Variants in HHIPL1 observed in about 807,000 individuals in gnomAD.
HHIPL1 encodes the protein HHIP like 1.
A neutral mutation model predicts 61.8 loss-of-function variants in HHIPL1; 43 were observed. That is an observed-to-expected ratio of 0.70 (90% CI 0.55 to 0.90). The LOEUF (loss-of-function observed/expected upper bound fraction) is 0.90. HHIPL1 is among the 40% of genes least tolerant of loss of function. HHIPL1 has a pLI of 0.00. For missense variants in HHIPL1, 1,056 were observed against 1,157.7 expected (o/e 0.91, Z 1.28); for synonymous variants, 482 against 515.8 (o/e 0.93, Z 0.89).
At chr14:99,674,560 G>A (rs2056364289) in intron 8 of HHIPL1, among the ~76,000 whole-genome samples, 1 of 152,126 alleles carries the variant, frequency 6.6e-6, no homozygotes. Context: ...ATCCCTGTGT[G>A]TATCCCGTTC....
the HHIPL1 span, among the ~76,000 whole-genome samples, chr14:99,607,021 CTTT>C: frequency 7.3e-5 from 5 of 68,420 alleles, no homozygotes; most frequent in Admixed American, 2.5e-4. Context: ...GTGACTTTGC[CTTT>C]TTTTTTTTTT....
rs761151361 is a variant in HHIPL1 at position 99,652,847 on chromosome 14, C to T, written c.879C>T (p.Asn293=). ...SEFRVSEDDE[N]AVDHSSERII... ...TCAGAGTCTCCGAGGATGACGAGAA[C>T]GCCGTGGACCACAGCTCTGAGAGGT... The change falls in exon 2 of 9, where the codon AAC becomes AAT. Residue 293 remains asparagine, a synonymous_variant. Coordinates refer to ENST00000330710, the MANE Select transcript of HHIPL1 (RefSeq NM_001127258.3). The T allele has an allele frequency of 4.3e-5, 69 of 1,613,658 alleles. 1 individual carries two copies. The highest frequency in any genetic ancestry group is 4.2e-4 in the South Asian group (38 of 91,070).
At chr14:99,631,025 T>C in the HHIPL1 span, among the ~76,000 whole-genome samples, 3 of 152,024 alleles carry the variant, frequency 2.0e-5, no homozygotes, top group African/African-American at 7.2e-5. Context: ...TCAGCTTCAC[T>C]AATTCCATCT....
At chr14:99,657,180 C>T (rs562123717) in intron 3 of HHIPL1, 37 bp downstream of exon 3, 13 of 1,606,724 alleles carry the variant, frequency 8.1e-6, no homozygotes, top group Middle Eastern at 3.7e-4. Flanking sequence ...GGGTTGGTCT[C>T]CATATCCCTG....
the HHIPL1 span, among the ~76,000 whole-genome samples, chr14:99,613,328 TTAATTAA>T: frequency 6.6e-6 from 1 of 151,972 alleles, no homozygotes; most frequent in East Asian, 2.0e-4. Context: ...GTGGTTTTTT[TTAATTAA>T]TTTTTTTTTA....
chr14:99,669,258 A>C (rs774911382), intron 7 of HHIPL1: 2 of 1,076,702 alleles, frequency 1.9e-6, no homozygotes, highest in Non-Finnish European at 2.3e-6. Context: ...TGATGAATAA[A>C]TGAGTGATCA....
At position 99,659,540 on chromosome 14, in the gene HHIPL1, G is replaced by A. The variant is rs1004735500; in HGVS notation, c.1159G>A (p.Glu387Lys). 1.1e-5 allele frequency: 17 copies of A among 1,545,850 alleles called. No homozygotes were observed. Among genetic ancestry groups the A allele is most frequent in the Non-Finnish European group, 1.5e-5 (17 of 1,149,648 alleles). The change falls in exon 4 of 9, where the codon GAG becomes AAG. Residue 387 changes from glutamate (E) to lysine (K), a missense_variant. Glu to Lys is a moderately conservative substitution (Grantham distance 56). Transcript: ENST00000330710. ...CGTGGGCGACCCCGCGGCGCAGCCC[G>A]AGGTCTACGCCCTGGGCGTGCGCAA... ...PFVGDPAAQP[E>K]VYALGVRNMW...
chr14:99,670,642 C>G (rs1325086732), intron 7 of HHIPL1, among the ~76,000 whole-genome samples: 1 of 152,186 alleles, frequency 6.6e-6, no homozygotes, highest in Admixed American at 6.5e-5. Flanking sequence ...TCCATCCCTT[C>G]CTTCTCATTT....
chr14:99,631,599 C>T, the HHIPL1 span, among the ~76,000 whole-genome samples: 1 of 152,120 alleles, frequency 6.6e-6, no homozygotes, highest in Non-Finnish European at 1.5e-5. Flanking sequence ...CCTTTCTGCT[C>T]AGAATTTATA....
chr14:99,623,990 T>A, the HHIPL1 span, among the ~76,000 whole-genome samples: 1 of 152,236 alleles, frequency 6.6e-6, no homozygotes, highest in African/African-American at 2.4e-5. Flanking sequence ...AAACTTACTT[T>A]ACTTGAGTAC....
chr14:99,669,011 C>A, intron 7 of HHIPL1: 1 of 1,524,790 alleles, frequency 6.6e-7, no homozygotes. Flanking sequence ...TGCCCTAACC[C>A]CTTGGCTGTG....
chr14:99,646,081 C>A (rs572651054), intron 1 of HHIPL1, among the ~76,000 whole-genome samples: 1 of 152,270 alleles, frequency 6.6e-6, no homozygotes, highest in African/African-American at 2.4e-5. Context: ...CAAGACTGAG[C>A]GACAGCTCTT....
At chr14:99,632,154 T>C in the HHIPL1 span, among the ~76,000 whole-genome samples, 1 of 152,192 alleles carries the variant, frequency 6.6e-6, no homozygotes, top group Admixed American at 6.5e-5. Context: ...TGACCCCAGG[T>C]AGAGGCAGGC....
At chr14:99,641,856 T>A (rs1242433008), upstream of HHIPL1, among the ~76,000 whole-genome samples, 1 of 149,658 alleles carries the variant, frequency 6.7e-6, no homozygotes, top group East Asian at 1.9e-4. Context: ...TCGCTGTTGA[T>A]TTTTTGGTAT....
chr14:99,659,566 C>T lies in HHIPL1; in HGVS notation c.1185C>T (p.Asn395=). ...QPEVYALGVR[N]MWRCSFDRGD... is the part of the protein sequence containing the mutation. Reference sequence around the variant, plus strand: ...AGGTCTACGCCCTGGGCGTGCGCAACATGTGGCGCTGCTCCTTCGACCGTG... The same window carrying T: ...AGGTCTACGCCCTGGGCGTGCGCAATATGTGGCGCTGCTCCTTCGACCGTG... Residue 395 remains asparagine (N), a synonymous_variant, in exon 4 of 9, where the codon AAC becomes AAT. Coordinates refer to ENST00000330710, the MANE Select transcript of HHIPL1 (RefSeq NM_001127258.3). 1 of 1,551,752 alleles carries T rather than the reference C, an allele frequency of 6.4e-7. No individual in the cohort carries two copies. The highest frequency in any genetic ancestry group is 1.4e-5 in the African/African-American group (1 of 72,872).
chr14:99,631,048 T>C, the HHIPL1 span, among the ~76,000 whole-genome samples: 1 of 120,430 alleles, frequency 8.3e-6, no homozygotes, highest in East Asian at 2.4e-4. Flanking sequence ...AGTGGCTCCA[T>C]TTTCTTTCTT....
the HHIPL1 span, among the ~76,000 whole-genome samples, chr14:99,612,736 A>G: frequency 2.6e-5 from 4 of 151,940 alleles, no homozygotes; most frequent in African/African-American, 9.7e-5. Context: ...TGGAGGATTA[A>G]GCTTCATTTT....
upstream of HHIPL1, among the ~76,000 whole-genome samples, chr14:99,642,998 C>G (rs4905872): frequency 0.21 from 31,899 of 152,052 alleles, 3,781 homozygotes; most frequent in Non-Finnish European, 0.27. Flanking sequence ...ATTTCAGCAT[C>G]TGTGTCATGT....
chr14:99,654,195 AAAAAAAAAAAAAAG>A (rs1288992986), intron 2 of HHIPL1, among the ~76,000 whole-genome samples: 1 of 150,408 alleles, frequency 6.6e-6, no homozygotes, highest in Non-Finnish European at 1.5e-5. Context: ...TCTCAAAAAA[AAAAAAAAAAAAAAG>A]AAAAAAGAAA....
Sources: allele counts gnomAD v4.1 joint callset (sites outside exome capture counted in the v4.1 genomes callset), GRCh38; gene constraint gnomAD v4.1.1; transcripts MANE v1.5; gene names NCBI Gene and HGNC (gene_info 2026-07-23, HGNC 2026-07-21).